ADAMTS3: variants seen among roughly 807,000 people sequenced by gnomAD.
ADAMTS3 encodes the protein ADAM metallopeptidase with thrombospondin type 1 motif 3, also known as A disintegrin and metalloproteinase with thrombospondin motifs 3.
In ADAMTS3, 73 loss-of-function variants were observed where a neutral mutation model predicts 129.0. That is an observed-to-expected ratio of 0.57 (90% CI 0.47 to 0.69). ADAMTS3 has a LOEUF of 0.69. ADAMTS3 is among the 30% of genes least tolerant of loss of function. The pLI is 0.00. For missense variants in ADAMTS3, 1,457 were observed against 1,514.5 expected (o/e 0.96, Z 0.63); for synonymous variants, 477 against 510.8 (o/e 0.93, Z 0.89).
intron 3 of ADAMTS3, among the ~76,000 whole-genome samples, chr4:72,533,082 A>G (rs1721085956): frequency 6.6e-6 from 1 of 152,186 alleles, no homozygotes; most frequent in Non-Finnish European, 1.5e-5. Context: ...TAAACTTATA[A>G]TTTTAAAAAA....
intron 4 of ADAMTS3, among the ~76,000 whole-genome samples, chr4:72,412,404 A>G (rs2109922991): frequency 6.6e-6 from 1 of 152,188 alleles, no homozygotes; most frequent in Middle Eastern, 3.4e-3. Flanking sequence ...AATGGAATAC[A>G]TTACAAAAAT....
chr4:72,355,951 T>TA (rs1357137059), intron 4 of ADAMTS3, among the ~76,000 whole-genome samples: 1 of 151,990 alleles, frequency 6.6e-6, no homozygotes, highest in Non-Finnish European at 1.5e-5. Context: ...CACTCCATGA[T>TA]ACTGCAGACA....
intron 4 of ADAMTS3, among the ~76,000 whole-genome samples, chr4:72,372,591 T>C (rs1721036538): frequency 6.6e-6 from 1 of 151,970 alleles, no homozygotes; most frequent in African/African-American, 2.4e-5. Flanking sequence ...AAATAATCTA[T>C]TGACAAACTG....
At chr4:72,342,457 C>T (rs757315117) in intron 4 of ADAMTS3, among the ~76,000 whole-genome samples, 3 of 150,760 alleles carry the variant, frequency 2.0e-5, no homozygotes, top group Non-Finnish European at 3.0e-5. Context: ...TCTGCCTCCC[C>T]GGTTCAAGTG....
At chr4:72,412,088 C>T (rs1342597362) in intron 4 of ADAMTS3, among the ~76,000 whole-genome samples, 1 of 152,022 alleles carries the variant, frequency 6.6e-6, no homozygotes, top group Admixed American at 6.6e-5. Flanking sequence ...ATTACATGGG[C>T]CTTACTGATG....
chr4:72,568,811 G>C lies in ADAMTS3; in HGVS notation c.-49C>G. 1.5e-6 allele frequency: 2 copies of C among 1,366,070 alleles called. No individual in the cohort carries two copies. The highest frequency in any genetic ancestry group is 2.0e-6 in the Non-Finnish European group (2 of 977,944). 84.6% of individuals were successfully genotyped at this position (1,366,070 alleles called of 1,614,324 possible). On this transcript the variant is annotated 5_prime_UTR_variant, in exon 1 of 22. Transcript: ENST00000286657. ...CTACTGGGCAAAGCAAATGCCCAGA[G>C]CAAACCCACCCCCCCCGCCCAAAAT...
chr4:72,318,531 A>T, intron 10 of ADAMTS3, 41 bp downstream of exon 10: 1 of 1,604,118 alleles, frequency 6.2e-7, no homozygotes, highest in Non-Finnish European at 8.5e-7. Flanking sequence ...ACACAAATAG[A>T]TTTCGAGCTG....
intron 3 of ADAMTS3, among the ~76,000 whole-genome samples, chr4:72,537,366 A>G (rs1189188334): frequency 6.6e-6 from 1 of 152,072 alleles, no homozygotes; most frequent in South Asian, 2.1e-4. Flanking sequence ...TCCTCATCTG[A>G]CTGAAATGAT....
intron 3 of ADAMTS3, among the ~76,000 whole-genome samples, chr4:72,518,339 G>A (rs1056193099): frequency 6.6e-6 from 1 of 152,196 alleles, no homozygotes; most frequent in Non-Finnish European, 1.5e-5. Context: ...GAGTTCTGTA[G>A]ATGTCTATTA....
At chr4:72,302,596 C>T (rs1029894642) in intron 17 of ADAMTS3, among the ~76,000 whole-genome samples, 2 of 151,978 alleles carry the variant, frequency 1.3e-5, no homozygotes, top group Non-Finnish European at 2.9e-5. Context: ...AACTAGAACA[C>T]ATCATGGGAA....
At position 72,332,703 on chromosome 4, in the gene ADAMTS3, C is replaced by T. The variant is rs34618145; in HGVS notation, c.861+6791G>A. Among the ~76,000 whole-genome samples the T allele has an allele frequency of 3.1e-3, 473 of 152,184 alleles. 2 individuals carry two copies. The highest frequency in any genetic ancestry group is 6.8e-3 in the Middle Eastern group (2 of 294). Reference sequence around the variant, plus strand: ...ACCTGTCACAGACAGCAGAGTGTTGCTGATGGAAAATATTTGGTACATTGA... The same window carrying T: ...ACCTGTCACAGACAGCAGAGTGTTGTTGATGGAAAATATTTGGTACATTGA... On this transcript the variant is annotated intron_variant, in intron 5 of 21. Transcript: ENST00000286657.
chr4:72,304,022 C>T lies in ADAMTS3; in HGVS notation c.2319G>A (p.Lys773=). The part of the protein sequence containing the change: ...YILNGKGEEA[K]SRTFIDLGVE... ...CACCAAGATCTATGAAGGTCCGCGA[C>T]TTGGCTTCCTCCCCTTTGCCATTTA... The change falls in exon 17 of 22, where the codon AAG becomes AAA. Residue 773 remains lysine (K), a synonymous_variant. Coordinates refer to ENST00000286657, the MANE Select transcript of ADAMTS3 (RefSeq NM_014243.3). The T allele has an allele frequency of 6.2e-7, 1 of 1,613,770 alleles. No homozygotes were observed. The highest frequency in any genetic ancestry group is 2.2e-5 in the East Asian group (1 of 44,850).
At chr4:72,330,258 A>T (rs1338647989) in intron 5 of ADAMTS3, among the ~76,000 whole-genome samples, 1 of 151,980 alleles carries the variant, frequency 6.6e-6, no homozygotes, top group African/African-American at 2.4e-5. Flanking sequence ...ACCTCAGGTA[A>T]CCCACCCACC....
intron 3 of ADAMTS3, among the ~76,000 whole-genome samples, chr4:72,455,157 T>C (rs577772797): frequency 2.0e-5 from 3 of 151,802 alleles, no homozygotes; most frequent in South Asian, 2.1e-4. Context: ...TTATTCTCTC[T>C]ACAAAAATGA....
At chr4:72,517,164 C>G (rs1485950271) in intron 3 of ADAMTS3, among the ~76,000 whole-genome samples, 1 of 151,700 alleles carries the variant, frequency 6.6e-6, no homozygotes. Flanking sequence ...ATTGAACCAG[C>G]CTTGCATCCC....
intron 3 of ADAMTS3, among the ~76,000 whole-genome samples, chr4:72,520,911 C>G (rs1720653082): frequency 6.6e-6 from 1 of 152,050 alleles, no homozygotes; most frequent in Admixed American, 6.5e-5. Flanking sequence ...GATGGAAATG[C>G]AGAAATCACC....
intron 3 of ADAMTS3, among the ~76,000 whole-genome samples, chr4:72,524,405 G>T (rs539114888): frequency 2.0e-5 from 3 of 152,000 alleles, no homozygotes; most frequent in Non-Finnish European, 2.9e-5. Context: ...CAATAACAGT[G>T]CTATATAAGT....
At chr4:72,333,573 C>T (rs763145846) in intron 5 of ADAMTS3, among the ~76,000 whole-genome samples, 21 of 151,952 alleles carry the variant, frequency 1.4e-4, no homozygotes, top group Non-Finnish European at 2.9e-4. Flanking sequence ...TTTACAAGGC[C>T]GAGAGAAGCA....
intron 2 of ADAMTS3, among the ~76,000 whole-genome samples, chr4:72,553,148 C>T (rs1560565363): frequency 1.5e-5 from 2 of 136,262 alleles, no homozygotes; most frequent in Non-Finnish European, 3.2e-5. Context: ...ATCACCAAGC[C>T]ATTAATGACG....
Sources: gnomAD v4.1 joint callset for allele counts (sites outside exome capture counted in the v4.1 genomes callset) on GRCh38, gnomAD v4.1.1 for gene constraint, MANE v1.5 for transcripts, NCBI Gene and HGNC (gene_info 2026-07-23, HGNC 2026-07-21) for gene names.